RAB11FIP4: variants seen among roughly 807,000 people sequenced by gnomAD.
RAB11FIP4 encodes the protein rab11 family-interacting protein 4.
RAB11FIP4 carries 23 observed loss-of-function variants against 74.3 expected under a neutral mutation model. The observed-to-expected ratio is 0.31, with a 90% CI of 0.22 to 0.44. RAB11FIP4 has a LOEUF of 0.44. Among genes scored for constraint, RAB11FIP4 ranks in the 20% least tolerant of loss-of-function variants. The pLI is 1.00. For synonymous variants in RAB11FIP4, 360 were observed against 359.9 expected, an observed-to-expected ratio of 1.00 and a Z score of 0.00; for missense variants, 630 against 863.9, an observed-to-expected ratio of 0.73 and a Z score of 3.39.
At chr17:31,463,106 A>G (rs557685105) in intron 3 of RAB11FIP4, among the ~76,000 whole-genome samples, 12 of 152,302 alleles carry the variant, frequency 7.9e-5, no homozygotes, top group African/African-American at 2.2e-4. Flanking sequence ...TTAAGCCATC[A>G]ACATGAGGAG....
chr17:31,535,195 G>C lies in RAB11FIP4; in HGVS notation c.*3463G>C, dbSNP rs1016834833. The C allele has an allele frequency of 1.3e-5, 2 of 151,422 alleles. No homozygotes were observed. Among genetic ancestry groups the C allele is most frequent in the Non-Finnish European group, 2.9e-5 (2 of 68,064 alleles). The allele number at this position is 151,422 out of a possible 1,614,324, so 9.4% of individuals were successfully genotyped here. A position where few individuals can be genotyped will look rare whatever the true frequency, so the allele number is the denominator to read the frequency against. ...AGCACTTGGGAGGCAGTGGCAGGCG[G>C]ATCACTTGAGCTCAGGAGTCCTAAA... On this transcript the variant is annotated 3_prime_UTR_variant, in exon 15 of 15. Coordinates refer to ENST00000621161, the MANE Select transcript of RAB11FIP4 (RefSeq NM_032932.6).
At chr17:31,466,671 A>G (rs1166668487) in intron 3 of RAB11FIP4, among the ~76,000 whole-genome samples, 2 of 152,158 alleles carry the variant, frequency 1.3e-5, no homozygotes, top group Non-Finnish European at 2.9e-5. Context: ...GCTTGGCAGA[A>G]AAAGACCCTC....
intron 3 of RAB11FIP4, among the ~76,000 whole-genome samples, chr17:31,498,259 C>T (rs1482294366): frequency 4.6e-5 from 7 of 152,202 alleles, no homozygotes; most frequent in Non-Finnish European, 8.8e-5. Context: ...AGGCCCTAAG[C>T]TGAGCTCTGG....
In RAB11FIP4 at chr17:31,425,969, C is replaced by T. The variant is rs554685192; in HGVS notation, c.160-5844C>T. ...CAAACCCCTCCCCCCGCTGGGACCT[C>T]GCTTCACCAACTGTGAAATGACGGG... On this transcript the variant is annotated intron_variant, in intron 1 of 14. Coordinates refer to ENST00000621161, the MANE Select transcript of RAB11FIP4 (RefSeq NM_032932.6). Among the ~76,000 whole-genome samples the T allele has an allele frequency of 5.3e-5, 8 of 152,342 alleles. No homozygotes were observed. The South Asian group carries it at 1.4e-3, about 28-fold the overall frequency.
intron 3 of RAB11FIP4, among the ~76,000 whole-genome samples, chr17:31,447,285 C>CAAACA (rs993541267): frequency 4.6e-5 from 7 of 152,090 alleles, no homozygotes; most frequent in South Asian, 2.1e-4. Context: ...GACTCCGTCT[C>CAAACA]AAACAAAACA....
intron 3 of RAB11FIP4, among the ~76,000 whole-genome samples, chr17:31,515,764 A>C (rs1451817346): frequency 6.6e-6 from 1 of 152,182 alleles, no homozygotes; most frequent in African/African-American, 2.4e-5. Context: ...AAGCGGTGCC[A>C]CCTGAGAAGT....
intron 3 of RAB11FIP4, among the ~76,000 whole-genome samples, chr17:31,495,835 A>G (rs1567676381): frequency 6.6e-6 from 1 of 152,176 alleles, no homozygotes; most frequent in East Asian, 1.9e-4. Context: ...GCTTGTGTGG[A>G]GTTGTTGACT....
At chr17:31,420,509 A>G (rs1389217521) in intron 1 of RAB11FIP4, among the ~76,000 whole-genome samples, 2 of 152,024 alleles carry the variant, frequency 1.3e-5, no homozygotes, top group African/African-American at 4.8e-5. Context: ...CTGGGATGAC[A>G]GGTGTGAGCC....
rs966606820 is a variant in RAB11FIP4 at position 31,488,322 on chromosome 17, C to T, written c.337-29329C>T. ...GCTCGCAGGGCTCCGGCGGCGCGCA[C>T]CTGGCTCGGCCCGGCCCGCGGCCCC... is the stretch of plus-strand genomic sequence containing the variant. On this transcript the variant is annotated intron_variant, in intron 3 of 14. Transcript: ENST00000621161. The T allele has an allele frequency of 2.3e-5, 26 of 1,141,988 alleles. 2 individuals carry two copies. The East Asian group carries it at 6.3e-4, about 28-fold the overall frequency. The allele number at this position is 1,141,988 out of a possible 1,614,324, so 70.7% of individuals were successfully genotyped here.
chr17:31,418,217 G>A (rs149734157), intron 1 of RAB11FIP4, among the ~76,000 whole-genome samples: 5,330 of 152,070 alleles, frequency 0.035, 286 homozygotes, highest in African/African-American at 0.12. Context: ...GTGAAACCTC[G>A]TCTCTACTAA....
In RAB11FIP4 at chr17:31,423,946, A is replaced by C. The variant is rs147398135; in HGVS notation, c.160-7867A>C. Among the ~76,000 whole-genome samples, 791 of 151,946 alleles carry C rather than the reference A, an allele frequency of 5.2e-3. 11 individuals are homozygous for C. Among genetic ancestry groups the C allele is most frequent in the African/African-American group, 0.018 (749 of 41,416 alleles). On this transcript the variant is annotated intron_variant, in intron 1 of 14. Transcript: ENST00000621161. The stretch of plus-strand genomic sequence containing the variant: ...ACTGCTACGGCTGCTGCCACCACCT[A>C]ACCTTTGGGACAGGTTTTACCTTGT...
chr17:31,475,278 CAAGAA>C (rs2071780449), intron 3 of RAB11FIP4, among the ~76,000 whole-genome samples: 1 of 152,022 alleles, frequency 6.6e-6, no homozygotes, highest in Non-Finnish European at 1.5e-5. Flanking sequence ...GATGAGAAGA[CAAGAA>C]GAGAGGAGAG....
chr17:31,466,137 C>T (rs969410385), intron 3 of RAB11FIP4, among the ~76,000 whole-genome samples: 2 of 151,986 alleles, frequency 1.3e-5, no homozygotes, highest in African/African-American at 4.8e-5. Flanking sequence ...GAGTGAGACT[C>T]GGTCTCAGAA....
At position 31,517,593 on chromosome 17, in the gene RAB11FIP4, A is replaced by C. The variant is rs2072581025; in HGVS notation, c.337-58A>C. The C allele has an allele frequency of 6.0e-6, 9 of 1,501,198 alleles. No homozygotes were observed. The Admixed American group carries it at 1.8e-4, about 29-fold the overall frequency. 93.0% of individuals were successfully genotyped at this position (1,501,198 alleles called of 1,614,324 possible). The stretch of plus-strand genomic sequence containing the variant: ...GCTGATGCCCTTGTGGTCTGATTGG[A>C]ACACTGAGCCCTGGGAAGCTGGCCT... On this transcript the variant is annotated intron_variant, in intron 3 of 14. Transcript: ENST00000621161.
At chr17:31,445,576 A>ATTT (rs1567658421) in intron 3 of RAB11FIP4, among the ~76,000 whole-genome samples, 7 of 10,020 alleles carry the variant, frequency 7.0e-4, no homozygotes, top group African/African-American at 1.9e-3. Flanking sequence ...ATATATATAT[A>ATTT]TATTTTTTTT....
At chr17:31,404,809 G>A (rs2071027902) in intron 1 of RAB11FIP4, among the ~76,000 whole-genome samples, 3 of 152,148 alleles carry the variant, frequency 2.0e-5, no homozygotes, top group Admixed American at 2.0e-4. Flanking sequence ...GAAGATAGGA[G>A]AGTCACTCTG....
intron 3 of RAB11FIP4, among the ~76,000 whole-genome samples, chr17:31,506,509 C>T (rs1022734216): frequency 6.6e-6 from 1 of 152,202 alleles, no homozygotes; most frequent in African/African-American, 2.4e-5. Flanking sequence ...ACTATAGCTT[C>T]GTGCCTGTTG....
chr17:31,449,619 G>A (rs1188596121), intron 3 of RAB11FIP4, among the ~76,000 whole-genome samples: 1 of 152,170 alleles, frequency 6.6e-6, no homozygotes, highest in Non-Finnish European at 1.5e-5. Context: ...CTGACTCACT[G>A]CAGCCTCCAA....
chr17:31,447,824 C>A (rs2142698674), intron 3 of RAB11FIP4, among the ~76,000 whole-genome samples: 1 of 150,602 alleles, frequency 6.6e-6, no homozygotes, highest in East Asian at 2.0e-4. Context: ...CGCCCAACTG[C>A]TGTATTTTAT....
Sources: gnomAD v4.1 joint callset for allele counts (sites outside exome capture counted in the v4.1 genomes callset) on GRCh38, gnomAD v4.1.1 for gene constraint, MANE v1.5 for transcripts, NCBI Gene and HGNC (gene_info 2026-07-23, HGNC 2026-07-21) for gene names.